Variants in ZFYVE28 observed in about 807,000 individuals in gnomAD.
ZFYVE28 encodes the protein lateral signaling target protein 2 homolog.
Under a neutral mutation model 82.1 loss-of-function variants are expected in ZFYVE28, and 40 were observed. That is an observed-to-expected ratio of 0.49 (90% CI 0.38 to 0.63). The LOEUF is 0.63. Ranked by LOEUF, ZFYVE28 falls within the 30% of genes least tolerant of loss-of-function variation. ZFYVE28 has a pLI of 0.00. For synonymous variants in ZFYVE28, 612 were observed against 546.1 expected (o/e 1.12, Z -1.68); for missense variants, 1,321 against 1,242.1 (o/e 1.06, Z -0.96).
intron 2 of ZFYVE28, among the ~76,000 whole-genome samples, chr4:2,351,400 G>C (rs550568663): frequency 6.6e-6 from 1 of 152,164 alleles, no homozygotes; most frequent in Non-Finnish European, 1.5e-5. Context: ...TTTCCATATA[G>C]GAGCACCAAA....
At chr4:2,379,278 A>G (rs1728481041) in intron 1 of ZFYVE28, among the ~76,000 whole-genome samples, 1 of 152,216 alleles carries the variant, frequency 6.6e-6, no homozygotes, top group Non-Finnish European at 1.5e-5. Flanking sequence ...ATCTACCAAG[A>G]AAAGGAAATC....
At chr4:2,356,141 C>T (rs978549953) in intron 1 of ZFYVE28, among the ~76,000 whole-genome samples, 5 of 152,190 alleles carry the variant, frequency 3.3e-5, no homozygotes, top group Non-Finnish European at 5.9e-5. Context: ...GCCCAGACCC[C>T]TGGGGTGGGG....
At position 2,335,084 on chromosome 4, in the gene ZFYVE28, T is replaced by C. The variant is rs1171483555; in HGVS notation, c.701+621A>G. ...GGTGGATTTCAGGCCTGAGCTTCCA[T>C]GTGCTGTGTTCACGTCCTTGAGCCC... On this transcript the variant is annotated intron_variant, in intron 6 of 12. Transcript: ENST00000290974. The surrounding 1 kb of genome is among the most constrained non-coding windows in gnomAD (Gnocchi z 5.8). Among the ~76,000 whole-genome samples, 1 of 151,152 alleles carries C rather than the reference T, an allele frequency of 6.6e-6. No homozygotes were observed. The highest frequency in any genetic ancestry group is 1.5e-5 in the Non-Finnish European group (1 of 67,752).
chr4:2,363,295 T>C (rs1351539379), intron 1 of ZFYVE28, among the ~76,000 whole-genome samples: 1 of 152,152 alleles, frequency 6.6e-6, no homozygotes, highest in Non-Finnish European at 1.5e-5. Flanking sequence ...GCTTTCTTGC[T>C]TGCTGGTAGA....
At chr4:2,391,560 C>G (rs1455025609) in intron 1 of ZFYVE28, among the ~76,000 whole-genome samples, 1 of 148,102 alleles carries the variant, frequency 6.8e-6, no homozygotes, top group Non-Finnish European at 1.5e-5. Flanking sequence ...CACATTCACA[C>G]TGTTGTACCA....
intron 2 of ZFYVE28, among the ~76,000 whole-genome samples, chr4:2,352,777 T>A (rs1240947616): frequency 1.3e-5 from 2 of 152,090 alleles, no homozygotes; most frequent in Non-Finnish European, 2.9e-5. Context: ...GGCTTTATCA[T>A]CAACTCTGTC....
intron 8 of ZFYVE28, among the ~76,000 whole-genome samples, chr4:2,297,185 C>T (rs1394621911): frequency 6.6e-6 from 1 of 152,268 alleles, no homozygotes; most frequent in East Asian, 1.9e-4. Flanking sequence ...ACCTGCCCTC[C>T]TCTGGGCTGC....
rs72501973 is a variant in ZFYVE28, at chr4:2,350,519, T to A, written c.180+3414A>T. 9.9e-5 allele frequency among the ~76,000 whole-genome samples: 15 copies of A among 151,954 alleles called. No individual in the cohort carries two copies. The East Asian group carries it at 2.9e-3, about 29-fold the overall frequency. On this transcript the variant is annotated intron_variant, in intron 2 of 12. Coordinates refer to ENST00000290974, the MANE Select transcript of ZFYVE28 (RefSeq NM_020972.3). ...ATATTGTAAAATATACGTTTGGTCA[T>A]CTTCCCATTTCCTGACATACAGCTC...
chr4:2,407,178 A>C (rs763712364), intron 1 of ZFYVE28, among the ~76,000 whole-genome samples: 2 of 152,040 alleles, frequency 1.3e-5, no homozygotes, highest in Non-Finnish European at 2.9e-5. Context: ...TTCCTCTTGG[A>C]GTACATTTTC....
intron 1 of ZFYVE28, among the ~76,000 whole-genome samples, chr4:2,367,680 A>G (rs3128822): frequency 1 from 152,109 of 152,358 alleles, 75,931 homozygotes; most frequent in East Asian, 1. Context: ...CAGTGGGGCC[A>G]CAACAGCCGG....
At chr4:2,388,818 C>T (rs185719954) in intron 1 of ZFYVE28, among the ~76,000 whole-genome samples, 17 of 152,292 alleles carry the variant, frequency 1.1e-4, no homozygotes, top group Middle Eastern at 6.8e-3. Context: ...CACCCAGACC[C>T]CTCCCCTGCT....
chr4:2,289,342 G>A (rs536583814), intron 8 of ZFYVE28, among the ~76,000 whole-genome samples: 10 of 152,288 alleles, frequency 6.6e-5, no homozygotes, highest in African/African-American at 2.2e-4. Context: ...AGATTCCTTC[G>A]AACAAGGGTG....
intron 1 of ZFYVE28, among the ~76,000 whole-genome samples, chr4:2,392,366 C>A (rs1036209411): frequency 3.3e-5 from 5 of 152,190 alleles, no homozygotes; most frequent in Non-Finnish European, 7.3e-5. Context: ...CCATCATAAT[C>A]CAATGCGTAA....
At chr4:2,283,123 C>T (rs114106195) in intron 8 of ZFYVE28, among the ~76,000 whole-genome samples, 19 of 40,766 alleles carry the variant, frequency 4.7e-4, no homozygotes, top group African/African-American at 3.5e-3. Flanking sequence ...CACCCACCCA[C>T]CCACTCATCC....
At position 2,416,385 on chromosome 4, in the gene ZFYVE28, G is replaced by T. The variant is rs1733037828; in HGVS notation, c.39+1900C>A. On this transcript the variant is annotated intron_variant, in intron 1 of 12. Coordinates refer to ENST00000290974, the MANE Select transcript of ZFYVE28 (RefSeq NM_020972.3). The surrounding 1 kb of genome is among the most constrained non-coding windows in gnomAD (Gnocchi z 4.6). ...CACGTCCGGAGGGGCATCCCCTAGTGTCCCAGCAAGTGCCTTCAGCGACAC... is the reference window on the plus strand; with the variant it reads ...CACGTCCGGAGGGGCATCCCCTAGTTTCCCAGCAAGTGCCTTCAGCGACAC... Among the ~76,000 whole-genome samples, 1 of 152,176 alleles carries T rather than the reference G, an allele frequency of 6.6e-6. No homozygotes were observed. Among genetic ancestry groups the T allele is most frequent in the South Asian group, 2.1e-4 (1 of 4,830 alleles).
intron 7 of ZFYVE28, among the ~76,000 whole-genome samples, chr4:2,309,431 C>A (rs1021502354): frequency 2.6e-5 from 4 of 152,148 alleles, no homozygotes; most frequent in Admixed American, 2.6e-4. Flanking sequence ...GATTTCATTT[C>A]GCATTTATTT....
chr4:2,277,629 C>T (rs1309314152), intron 8 of ZFYVE28, among the ~76,000 whole-genome samples: 1 of 152,016 alleles, frequency 6.6e-6, no homozygotes, highest in East Asian at 1.9e-4. Flanking sequence ...ATAAATTTAA[C>T]AAAAGAAGTA....
Position 2,365,713 on chromosome 4 carries a change from G to A in ZFYVE28, c.40-11640C>T, listed in dbSNP as rs571462997. On this transcript the variant is annotated intron_variant, in intron 1 of 12. Coordinates refer to ENST00000290974, the MANE Select transcript of ZFYVE28 (RefSeq NM_020972.3). ...TGTGCCTGGAGCTGGGCTACACGGG[G>A]AGGACGTCTCCCAGGCCCTCCAGCT... Among the ~76,000 whole-genome samples the A allele has an allele frequency of 7.9e-5, 12 of 152,314 alleles. No individual in the cohort carries two copies. In the East Asian group the frequency reaches 2.3e-3, roughly 29 times the overall value.
At chr4:2,399,702 C>A (rs1268261342) in intron 1 of ZFYVE28, among the ~76,000 whole-genome samples, 1 of 152,244 alleles carries the variant, frequency 6.6e-6, no homozygotes, top group Admixed American at 6.5e-5. Flanking sequence ...GCCTCCCACC[C>A]AGCAAGTGGC....
Sources: gnomAD v4.1 joint callset for allele counts (sites outside exome capture counted in the v4.1 genomes callset) on GRCh38, gnomAD v4.1.1 for gene constraint, Gnocchi (gnomAD v3.1) non-coding constraint, MANE v1.5 for transcripts, NCBI Gene and HGNC (gene_info 2026-07-23, HGNC 2026-07-21) for gene names.